SYT7: variants seen among roughly 807,000 people sequenced by gnomAD.
SYT7 encodes the protein synaptotagmin-7.
SYT7 carries 29 observed loss-of-function variants against 75.1 expected under a neutral mutation model. That is an observed-to-expected ratio of 0.39 (90% confidence interval 0.29 to 0.53). The LOEUF (loss-of-function observed/expected upper bound fraction) is 0.53, where lower values mean the gene tolerates loss of function less well. SYT7 is among the 20% of genes least tolerant of loss of function. SYT7 has a pLI of 0.77. For missense variants in SYT7, 693 were observed against 953.2 expected, an observed-to-expected ratio of 0.73 and a Z score of 3.59; for synonymous variants, 376 against 401.7, an observed-to-expected ratio of 0.94 and a Z score of 0.76.
rs755251986 is a variant in SYT7, at chr11:61,536,516, GC to G, written c.1064+1627del. ...CCAGTGGCCCTCTGACTGCCCTGCA[GC>G]CCAGCCTTGAGATCCTGGCTCAGGA... On this transcript the variant is annotated intron_variant, in intron 7 of 12. Coordinates refer to ENST00000539008, the MANE Select transcript of SYT7 (RefSeq NM_001365809.2). Among the ~76,000 whole-genome samples the G allele has an allele frequency of 2.0e-5, 3 of 152,200 alleles. No homozygotes were observed. In the South Asian group the frequency reaches 6.2e-4, roughly 31 times the overall value.
At chr11:61,581,548 C>T (rs1045821371), upstream of SYT7, among the ~76,000 whole-genome samples, 1 of 152,236 alleles carries the variant, frequency 6.6e-6, no homozygotes, top group African/African-American at 2.4e-5. Flanking sequence ...CTCAACACCG[C>T]GGCGGTCCGG....
chr11:61,538,386 A>C, intron 6 of SYT7, 120 bp from the exon 7 acceptor site: 1 of 848,866 alleles, frequency 1.2e-6, no homozygotes, highest in Non-Finnish European at 1.7e-6. Context: ...AGAGAGAGAG[A>C]GAAAGAGAGA....
intron 4 of SYT7, 74 bp downstream of exon 4, chr11:61,547,102 GT>G (rs2063214107): frequency 2.0e-6 from 3 of 1,490,340 alleles, no homozygotes; most frequent in East Asian, 2.5e-5. Flanking sequence ...CCAGAGGTGG[GT>G]GGGGGCAGGA....
At position 61,546,926 on chromosome 11, in the gene SYT7, C is replaced by T. The variant is rs1251413644; in HGVS notation, c.347+251G>A. ...AGCTGGGGGGGCCAGGTATGGCTGC[C>T]GAGGGGGCTCTCCTGCAAGGCTGGC... On this transcript the variant is annotated intron_variant, in intron 4 of 12. Coordinates refer to ENST00000539008, the MANE Select transcript of SYT7 (RefSeq NM_001365809.2). This position sits in a 1 kb window ranked among gnomAD's most constrained non-coding sequence, Gnocchi z 7.6. 6.6e-6 allele frequency among the ~76,000 whole-genome samples: 1 copy of T among 151,882 alleles called. No individual in the cohort carries two copies. Among genetic ancestry groups the T allele is most frequent in the African/African-American group, 2.4e-5 (1 of 41,342 alleles).
At chr11:61,550,581 C>G (rs2063319783) in intron 3 of SYT7, among the ~76,000 whole-genome samples, 1 of 152,160 alleles carries the variant, frequency 6.6e-6, no homozygotes, top group South Asian at 2.1e-4. Context: ...CCACCCCTAC[C>G]TTGACCTCTG....
At chr11:61,573,491 C>G (rs535116811) in intron 1 of SYT7, among the ~76,000 whole-genome samples, 1 of 152,334 alleles carries the variant, frequency 6.6e-6, no homozygotes, top group Admixed American at 6.5e-5. Context: ...CTCCATCTAC[C>G]CACCTGCCTC....
rs546952489 is a variant in SYT7 at position 61,554,887 on chromosome 11, T to A, written c.135+1217A>T. On this transcript the variant is annotated intron_variant, in intron 2 of 12. Transcript: ENST00000539008. ...CAGAGCTGGCCTCCACTATGGCTCC[T>A]CCCCAGGGGTCGGAGCTGCCTGAAG... Among the ~76,000 whole-genome samples, 5 of 152,222 alleles carry A rather than the reference T, an allele frequency of 3.3e-5. No individual in the cohort carries two copies. In the South Asian group the frequency reaches 1.0e-3, roughly 32 times the overall value.
intron 8 of SYT7, among the ~76,000 whole-genome samples, chr11:61,529,465 G>A (rs1454414087): frequency 6.6e-6 from 1 of 152,180 alleles, no homozygotes; most frequent in Non-Finnish European, 1.5e-5. Flanking sequence ...GTTCAGAGAG[G>A]TGAAGTCACA....
Position 61,547,211 on chromosome 11 carries a change from A to AG in SYT7, c.312dup (p.Tyr105LeufsTer100). ...AGTCGTGGGTCGCCATAAGGGGCGTAGGGTGAAATGTTTAGAATAAACTCC... is the reference window on the plus strand; with the variant it reads ...AGTCGTGGGTCGCCATAAGGGGCGTAGGGGTGAAATGTTTAGAATAAACTCC... On this transcript the variant is annotated frameshift_variant, in exon 4 of 13. Coordinates refer to ENST00000539008, the MANE Select transcript of SYT7 (RefSeq NM_001365809.2). LOFTEE classifies it high-confidence loss of function. 1 of 1,535,752 alleles carries AG rather than the reference A, an allele frequency of 6.5e-7. No individual in the cohort carries two copies. The highest frequency in any genetic ancestry group is 8.7e-7 in the Non-Finnish European group (1 of 1,146,690).
At chr11:61,558,545 T>A (rs1034151855) in intron 1 of SYT7, among the ~76,000 whole-genome samples, 9 of 145,268 alleles carry the variant, frequency 6.2e-5, no homozygotes, top group African/African-American at 2.8e-5. Flanking sequence ...CATATATATA[T>A]AAATTATGAG....
chr11:61,534,372 C>A (rs1242017633), intron 7 of SYT7, among the ~76,000 whole-genome samples: 1 of 152,164 alleles, frequency 6.6e-6, no homozygotes, highest in East Asian at 1.9e-4. Flanking sequence ...CACGTGCGCA[C>A]ACACACACGC....
chr11:61,524,118 G>A lies in SYT7; in HGVS notation c.1642-177C>T, dbSNP rs1277132538. 6.6e-6 allele frequency among the ~76,000 whole-genome samples: 1 copy of A among 152,138 alleles called. No individual in the cohort carries two copies. Among genetic ancestry groups the A allele is most frequent in the Non-Finnish European group, 1.5e-5 (1 of 68,018 alleles). On this transcript the variant is annotated intron_variant, in intron 10 of 12. Transcript: ENST00000539008. This position sits in a 1 kb window ranked among gnomAD's most constrained non-coding sequence, Gnocchi z 4.1. The stretch of plus-strand genomic sequence containing the variant: ...AGGTGTGTGTACTGCCCCTCCCAGG[G>A]TCACCATCGCCTCCCTGTTCCCTGA...
rs2062926204 is a variant in SYT7 at position 61,538,174 on chromosome 11, T to C, written c.1034A>G (p.Gln345Arg). 1 of 1,536,078 alleles carries C rather than the reference T, an allele frequency of 6.5e-7. No homozygotes were observed. The highest frequency in any genetic ancestry group is 2.4e-5 in the East Asian group (1 of 40,896). Residue 345 changes from glutamine to arginine, a missense_variant, in exon 7 of 13, where the codon CAG (glutamine) becomes CGG (arginine). Transcript: ENST00000539008. ...NIPDLQNPGT[Q>R]QNQNAQGDKR... ...GTCCCCCTGAGCGTTCTGGTTCTGC[T>C]GGGTTCCTGGGTTTTGCAGGTCAGG...
Position 61,538,034 on chromosome 11 carries a change from C to T in SYT7, c.1064+110G>A, listed in dbSNP as rs373328761. The T allele has an allele frequency of 1.6e-4, 225 of 1,445,460 alleles. No homozygotes were observed. The East Asian group carries it at 2.2e-3, about 14-fold the overall frequency. 89.5% of individuals were successfully genotyped at this position (1,445,460 alleles called of 1,614,324 possible). ...GGGCTTGTCCTTCCGCTCCAGCATC[C>T]GCTGAAGGCACCACCACCTCGTCCA... On this transcript the variant is annotated intron_variant, in intron 7 of 12. Coordinates refer to ENST00000539008, the MANE Select transcript of SYT7 (RefSeq NM_001365809.2).
In SYT7 at chr11:61,528,198, G is replaced by C. The variant is rs377234540; in HGVS notation, c.1201-13C>G. Reference sequence around the variant, plus strand: ...AGCCTGGGGAGAGCTGGGGGTGGGGGAGAGGCCGGCAGGGTTTGGGGAGGA... The same window carrying C: ...AGCCTGGGGAGAGCTGGGGGTGGGGCAGAGGCCGGCAGGGTTTGGGGAGGA... On this transcript the variant is annotated splice_polypyrimidine_tract_variant and intron_variant, in intron 8 of 12. Transcript: ENST00000539008. 1 of 1,608,622 alleles carries C rather than the reference G, an allele frequency of 6.2e-7. No homozygotes were observed. The highest frequency in any genetic ancestry group is 8.5e-7 in the Non-Finnish European group (1 of 1,179,438).
At chr11:61,528,359 G>A (rs1315835319) in intron 8 of SYT7, among the ~76,000 whole-genome samples, 174 bp from the exon 9 acceptor site, 1 of 152,182 alleles carries the variant, frequency 6.6e-6, no homozygotes, top group African/African-American at 2.4e-5. Context: ...TCCCAGGAGG[G>A]GAGGGGAAGG....
At chr11:61,537,743 G>GC (rs1555006473) in intron 7 of SYT7, among the ~76,000 whole-genome samples, 1 of 151,588 alleles carries the variant, frequency 6.6e-6, no homozygotes, top group Non-Finnish European at 1.5e-5. Flanking sequence ...ACGGGCTGGC[G>GC]CCCCTTCCCT....
At chr11:61,528,285 C>T in intron 8 of SYT7, 100 bp from the exon 9 acceptor site, 4 of 1,429,254 alleles carry the variant, frequency 2.8e-6, no homozygotes, top group Non-Finnish European at 3.8e-6. Context: ...GGCGGTGGCC[C>T]AGCCCACACT....
chr11:61,542,348 G>A lies in SYT7; in HGVS notation c.804C>T (p.Gly268=), dbSNP rs1455146548. The A allele has an allele frequency of 6.5e-7, 1 of 1,530,664 alleles. No homozygotes were observed. Among genetic ancestry groups the A allele is most frequent in the Non-Finnish European group, 8.7e-7 (1 of 1,144,352 alleles). 94.8% of individuals were successfully genotyped at this position (1,530,664 alleles called of 1,614,324 possible). A position where few individuals can be genotyped will look rare whatever the true frequency, so the allele number is the denominator to read the frequency against. Reference sequence around the variant, plus strand: ...AGGTGCCCTGCCGAGCCTGGCCCCGGCCATAGGCCCGGGGGTTGGGGCCTG... The same window carrying A: ...AGGTGCCCTGCCGAGCCTGGCCCCGACCATAGGCCCGGGGGTTGGGGCCTG... The part of the protein sequence containing the change: ...SAPGPNPRAY[G]RGQARQGTSA... Residue 268 remains glycine (G), a synonymous_variant, in exon 6 of 13, where the codon GGC becomes GGT. Transcript: ENST00000539008. This position sits in a 1 kb window ranked among gnomAD's most constrained non-coding sequence, Gnocchi z 7.8.
Sources: gnomAD v4.1 joint callset for allele counts (sites outside exome capture counted in the v4.1 genomes callset) on GRCh38, gnomAD v4.1.1 for gene constraint, Gnocchi (gnomAD v3.1) non-coding constraint, MANE v1.5 for transcripts, NCBI Gene and HGNC (gene_info 2026-07-23, HGNC 2026-07-21) for gene names.